The following ANO2 variants were observed in gnomAD, a reference collection of about 807,000 sequenced individuals.
ANO2 encodes anoctamin 2.
ANO2 carries 101 observed loss-of-function variants against 124.2 expected under a neutral mutation model. The ratio of observed to expected loss-of-function variants is 0.81; its 90% CI spans 0.69 to 0.96. ANO2 has a LOEUF of 0.96. ANO2 is among the 40% of genes least tolerant of loss of function. The probability of loss-of-function intolerance (pLI) is 0.00; values close to 1 mark genes in which losing one functional copy is unlikely to be tolerated. For missense variants in ANO2, 1,293 were observed against 1,274.5 expected (o/e 1.01, Z -0.22); for synonymous variants, 486 against 482.5 (o/e 1.01, Z -0.09).
In ANO2 at chr12:5,904,932, G is replaced by C. The variant is rs1462027508; in HGVS notation, c.534+16108C>G. On this transcript the variant is annotated intron_variant, in intron 3 of 24. Transcript: ENST00000682330. This position sits in a 1 kb window ranked among gnomAD's most constrained non-coding sequence, Gnocchi z 4.1. ...AAGGGAACAGGGAACAAAATGATAA[G>C]AAGAGGATACTCTCAAGTTCAGAGG... 6.6e-6 allele frequency among the ~76,000 whole-genome samples: 1 copy of C among 152,222 alleles called. No homozygotes were observed. The highest frequency in any genetic ancestry group is 2.4e-5 in the African/African-American group (1 of 41,442).
chr12:5,645,002 T>A (rs755859809), intron 15 of ANO2, among the ~76,000 whole-genome samples: 2 of 152,200 alleles, frequency 1.3e-5, no homozygotes, highest in African/African-American at 2.4e-5. Flanking sequence ...TTGTGCCTTA[T>A]ATACTCTATA....
intron 14 of ANO2, among the ~76,000 whole-genome samples, chr12:5,673,681 CA>C (rs1948112559): frequency 6.6e-6 from 1 of 152,172 alleles, no homozygotes; most frequent in South Asian, 2.1e-4. Flanking sequence ...CCTAAAGAGA[CA>C]GGGAATTGGA....
intron 14 of ANO2, among the ~76,000 whole-genome samples, chr12:5,676,642 G>GA (rs2136994723): frequency 6.6e-6 from 1 of 151,844 alleles, no homozygotes; most frequent in East Asian, 1.9e-4. Context: ...TTTGTAAAGA[G>GA]AAAAAATATA....
At chr12:5,632,423 G>A (rs921578615) in intron 16 of ANO2, among the ~76,000 whole-genome samples, 9 of 151,970 alleles carry the variant, frequency 5.9e-5, no homozygotes, top group African/African-American at 2.2e-4. Context: ...ATGAAATGGA[G>A]TTACAAATTT....
At chr12:5,788,674 T>C (rs1481329195) in intron 10 of ANO2, among the ~76,000 whole-genome samples, 1 of 152,206 alleles carries the variant, frequency 6.6e-6, no homozygotes, top group Non-Finnish European at 1.5e-5. Flanking sequence ...CTCTCTTGCC[T>C]CAGCTTCCTG....
At chr12:5,832,907 C>A (rs563253153) in intron 4 of ANO2, among the ~76,000 whole-genome samples, 23 of 152,318 alleles carry the variant, frequency 1.5e-4, no homozygotes, top group Non-Finnish European at 2.6e-4. Context: ...TACAATGTGA[C>A]CCTAGTAGGT....
chr12:5,829,103 GTAAA>G (rs1189301236), intron 6 of ANO2, among the ~76,000 whole-genome samples: 10 of 152,144 alleles, frequency 6.6e-5, no homozygotes. Flanking sequence ...AAAGGGAGTG[GTAAA>G]TAAATAACTA....
At chr12:5,671,141 G>T (rs975815737) in intron 14 of ANO2, among the ~76,000 whole-genome samples, 3 of 152,070 alleles carry the variant, frequency 2.0e-5, no homozygotes, top group Non-Finnish European at 4.4e-5. Context: ...AAGCAATGAG[G>T]GGAACAGCTC....
At chr12:5,584,835 C>A (rs17787462) in intron 20 of ANO2, among the ~76,000 whole-genome samples, 1 of 152,188 alleles carries the variant, frequency 6.6e-6, no homozygotes, top group East Asian at 1.9e-4. Context: ...GAAGCCTTGA[C>A]AGAAACATAA....
chr12:5,915,443 G>T (rs1411326073), intron 3 of ANO2, among the ~76,000 whole-genome samples: 1 of 149,884 alleles, frequency 6.7e-6, no homozygotes, highest in Non-Finnish European at 1.5e-5. Context: ...AAGGAGGGTG[G>T]GAAGTGAATT....
At chr12:5,866,230 A>T (rs138146554) in intron 3 of ANO2, among the ~76,000 whole-genome samples, 24 of 152,346 alleles carry the variant, frequency 1.6e-4, no homozygotes, top group Middle Eastern at 3.4e-3. Context: ...GGGGGATAAC[A>T]GTGGCCATCG....
intron 23 of ANO2, among the ~76,000 whole-genome samples, chr12:5,571,149 G>A (rs549463280): frequency 8.5e-5 from 13 of 152,320 alleles, no homozygotes; most frequent in South Asian, 2.1e-4. Context: ...AAGCAGACCC[G>A]CTGGGTTGAC....
At chr12:5,591,213 A>G (rs968063881) in intron 20 of ANO2, among the ~76,000 whole-genome samples, 2 of 152,226 alleles carry the variant, frequency 1.3e-5, no homozygotes, top group Non-Finnish European at 1.5e-5. Flanking sequence ...TGTTACTGCT[A>G]TGCACACGGG....
At chr12:5,824,675 C>T (rs946068318) in intron 7 of ANO2, among the ~76,000 whole-genome samples, 2 of 152,226 alleles carry the variant, frequency 1.3e-5, no homozygotes, top group African/African-American at 4.8e-5. Context: ...TCCAATGTTG[C>T]TTCCACATTT....
At chr12:5,632,600 T>C (rs1945779439) in intron 16 of ANO2, among the ~76,000 whole-genome samples, 1 of 152,068 alleles carries the variant, frequency 6.6e-6, no homozygotes. Context: ...GGTGTGCCAG[T>C]AGAAACAGTG....
intron 14 of ANO2, among the ~76,000 whole-genome samples, chr12:5,662,189 T>A (rs1947481350): frequency 6.6e-6 from 1 of 152,260 alleles, no homozygotes; most frequent in African/African-American, 2.4e-5. Flanking sequence ...AAAGCTTGTT[T>A]TGATTTTCAA....
chr12:5,831,007 A>C (rs1481134260), intron 5 of ANO2, among the ~76,000 whole-genome samples: 1 of 152,234 alleles, frequency 6.6e-6, no homozygotes, highest in Non-Finnish European at 1.5e-5. Context: ...AATTTGATTT[A>C]ATGTCACTGT....
chr12:5,605,989 G>C (rs1334510978), intron 19 of ANO2, among the ~76,000 whole-genome samples: 1 of 152,214 alleles, frequency 6.6e-6, no homozygotes, highest in Non-Finnish European at 1.5e-5. Context: ...TTCAAAGCCA[G>C]ATCACGCAAC....
chr12:5,736,851 C>A, intron 13 of ANO2, among the ~76,000 whole-genome samples: 1 of 152,198 alleles, frequency 6.6e-6, no homozygotes, highest in East Asian at 1.9e-4. Flanking sequence ...CTGTTTCTTT[C>A]TCGTGGGCAC....
Sources: gnomAD v4.1 joint callset for allele counts (sites outside exome capture counted in the v4.1 genomes callset) on GRCh38, gnomAD v4.1.1 for gene constraint, Gnocchi (gnomAD v3.1) non-coding constraint, MANE v1.5 for transcripts, NCBI Gene and HGNC (gene_info 2026-07-23, HGNC 2026-07-21) for gene names.